The following HAUS7 variants were observed in gnomAD, a reference collection of about 807,000 sequenced individuals.
The protein encoded by HAUS7 is HAUS augmin like complex subunit 7.
A neutral mutation model predicts 28.4 loss-of-function variants in HAUS7; 3 were observed. The observed-to-expected ratio is 0.11, with a 90% CI of 0.05 to 0.27. HAUS7 has a LOEUF of 0.27. Among genes scored for constraint, HAUS7 ranks in the 10% least tolerant of loss-of-function variants. HAUS7 has a pLI of 1.00. For missense variants in HAUS7, 284 were observed against 297.3 expected (o/e 0.96, Z 0.33); for synonymous variants, 165 against 132.1 (o/e 1.25, Z -1.71).
rs1556981973 is a variant in HAUS7 at position 153,455,644 on chromosome X, G to A, written c.828C>T (p.Tyr276=). 1.9e-5 allele frequency: 23 copies of A among 1,207,950 alleles called. 1 individual carries two copies. The highest frequency in any genetic ancestry group is 8.8e-5 in the South Asian group (5 of 56,928). The change falls in exon 8 of 10, where the codon TAC becomes TAT. Residue 276 remains tyrosine, a synonymous_variant. Coordinates refer to ENST00000370211, the MANE Select transcript of HAUS7 (RefSeq NM_001385482.1). ...GGCAGCACTCGCCCAGCTCGTCGTC[G>A]TAGACTTGGAGAAAAGCCAAGATTA... The part of the protein sequence containing the change: ...HQLILAFLQV[Y]DDELGECCQR...
intron 8 of HAUS7, 119 bp from the exon 9 acceptor site, chrX:153,454,627 G>A: frequency 1.9e-6 from 1 of 514,075 alleles, no homozygotes; most frequent in South Asian, 3.0e-5. Flanking sequence ...CTGATCAGGT[G>A]GCATTCACCT....
intron 1 of HAUS7, among the ~76,000 whole-genome samples, chrX:153,479,685 T>C (rs1400071703): frequency 1.8e-5 from 2 of 110,597 alleles, no homozygotes; most frequent in African/African-American, 6.6e-5. Flanking sequence ...GGGGGTGAAG[T>C]GGGGTTGCTG....
At chrX:153,483,242 C>T (rs2089612696) in intron 1 of HAUS7, 2 of 699,298 alleles carry the variant, frequency 2.9e-6, no homozygotes, top group Non-Finnish European at 1.7e-6. Flanking sequence ...GAGTTGGAGC[C>T]TGACCAGGTG....
At chrX:153,482,222 CAG>C (rs1556987483) in intron 1 of HAUS7, 1 of 625,188 alleles carries the variant, frequency 1.6e-6, no homozygotes, top group Non-Finnish European at 1.9e-6. Flanking sequence ...ATGCCACCAA[CAG>C]AGTGCCCTTG....
At position 153,480,786 on chromosome X, in the gene HAUS7, CACA is replaced by C. The variant is rs1205046825; in HGVS notation, c.-588-9644_-588-9642del. ...AGTGACCTTGGAGCAGGAGCAGGGT[CACA>C]ACAAGGGCCTGGTCGCTGAGTGGGC... On this transcript the variant is annotated intron_variant, in intron 1 of 5. Transcript: ENST00000370210. 1.7e-5 allele frequency: 13 copies of C among 753,864 alleles called. No individual in the cohort carries two copies. The East Asian group carries it at 2.0e-3, about 114-fold the overall frequency. 62.1% of individuals were successfully genotyped at this position (753,864 alleles called of 1,213,427 possible).
chrX:153,486,113 C>T (rs1234840885), intron 1 of HAUS7: 54 of 921,458 alleles, frequency 5.9e-5, no homozygotes, highest in Non-Finnish European at 7.4e-5. Context: ...CCCCCCTCCT[C>T]GACCCCACAC....
chrX:153,483,295 C>A (rs977579128), intron 1 of HAUS7: 599 of 753,452 alleles, frequency 8.0e-4, no homozygotes, highest in Non-Finnish European at 9.2e-4. Flanking sequence ...ACCCCTGACC[C>A]CGACCCTAGG....
In HAUS7 at chrX:153,486,007, C is replaced by T. The variant is rs782692215; in HGVS notation, c.-589+9367G>A. The T allele has an allele frequency of 5.5e-4, 538 of 978,544 alleles. 1 individual carries two copies. The highest frequency in any genetic ancestry group is 6.6e-4 in the Non-Finnish European group (499 of 753,530). The allele number at this position is 978,544 out of a possible 1,213,427, so 80.6% of individuals were successfully genotyped here. A position where few individuals can be genotyped will look rare whatever the true frequency, so the allele number is the denominator to read the frequency against. On this transcript the variant is annotated intron_variant, in intron 1 of 5. Coordinates refer to the HAUS7 transcript ENST00000370210. Reference sequence around the variant, plus strand: ...TGCGCGCCTCGCTGGCGGAGCTGCTCCTGGATCATAACCAGGTGCAGGCCA... The same window carrying T: ...TGCGCGCCTCGCTGGCGGAGCTGCTTCTGGATCATAACCAGGTGCAGGCCA...
At chrX:153,492,414 AGTGGGCCCTAGCCAGGCCGAGTGACTCG>A (rs1161036044) in intron 1 of HAUS7, among the ~76,000 whole-genome samples, 1 of 109,888 alleles carries the variant, frequency 9.1e-6, no homozygotes, top group Non-Finnish European at 1.9e-5. Context: ...CGAGTGACTC[AGTGGGCCCTAGCCAGGCCGAGTGACTCG>A]GTGGGCCCCG....
rs782299664 is a variant in HAUS7 at position 153,452,582 on chromosome X, G to C, written c.1045+1812C>G. On this transcript the variant is annotated intron_variant, in intron 9 of 9. Coordinates refer to ENST00000370211, the MANE Select transcript of HAUS7 (RefSeq NM_001385482.1). ...CCACAAATACATTTTGCTTTAATAG[G>C]AGGCAGTTTCTGTATACTATTGAAA... Among the ~76,000 whole-genome samples the C allele has an allele frequency of 7.1e-5, 8 of 112,543 alleles. No individual in the cohort carries two copies. The South Asian group carries it at 2.9e-3, about 41-fold the overall frequency.
intron 1 of HAUS7, among the ~76,000 whole-genome samples, chrX:153,475,829 GGAGAGCA>G (rs2089559351): frequency 9.4e-4 from 1 of 1,064 alleles, no homozygotes; most frequent in Non-Finnish European, 0.011. Flanking sequence ...GCAGAGAGCA[GGAGAGCA>G]GGAGAGCAGG....
intron 1 of HAUS7, among the ~76,000 whole-genome samples, chrX:153,476,521 A>G (rs2089563500): frequency 8.9e-6 from 1 of 111,955 alleles, no homozygotes; most frequent in African/African-American, 3.3e-5. Context: ...AAGGGACAGG[A>G]GTCCCTTCCT....
Position 153,485,869 on chromosome X carries a change from C to T in HAUS7, c.-589+9505G>A, listed in dbSNP as rs782000926. The T allele has an allele frequency of 1.7e-5, 16 of 917,548 alleles. No individual in the cohort carries two copies. In the South Asian group the frequency reaches 2.7e-4, roughly 15 times the overall value. 75.6% of individuals were successfully genotyped at this position (917,548 alleles called of 1,213,427 possible). A position where few individuals can be genotyped will look rare whatever the true frequency, so the allele number is the denominator to read the frequency against. On this transcript the variant is annotated intron_variant, in intron 1 of 5. Transcript: ENST00000370210. ...GCCTGACGCTGCACCACGACCACAT[C>T]GAGCGCATCCCTGGCTACGCGTTCG...
intron 1 of HAUS7, among the ~76,000 whole-genome samples, chrX:153,480,154 C>G (rs1407760942): frequency 1.8e-5 from 2 of 111,283 alleles, no homozygotes; most frequent in Non-Finnish European, 3.8e-5. Context: ...ACGCCCTACC[C>G]CCCACCCTTG....
chrX:153,460,095 T>C (rs1019262194), intron 4 of HAUS7, among the ~76,000 whole-genome samples: 1 of 112,631 alleles, frequency 8.9e-6, no homozygotes, highest in African/African-American at 3.2e-5. Context: ...TGTTTATCCA[T>C]AACAAGGAAT....
chrX:153,468,370 T>TGA (rs2089479385), intron 2 of HAUS7, among the ~76,000 whole-genome samples: 1 of 112,596 alleles, frequency 8.9e-6, no homozygotes, highest in African/African-American at 3.2e-5. Flanking sequence ...CAGCTGTTCC[T>TGA]GAGCATGGCC....
At chrX:153,470,155 C>G (rs782398027) in intron 1 of HAUS7, among the ~76,000 whole-genome samples, 1 of 113,330 alleles carries the variant, frequency 8.8e-6, no homozygotes, top group Admixed American at 9.2e-5. Flanking sequence ...GGCCTGGGTC[C>G]TCTGTGTCTG....
intron 1 of HAUS7, among the ~76,000 whole-genome samples, chrX:153,484,038 T>C (rs1221828021): frequency 8.9e-6 from 1 of 111,814 alleles, no homozygotes; most frequent in Non-Finnish European, 1.9e-5. Context: ...ACGCCAGAAG[T>C]CTGCAATCTA....
At chrX:153,491,778 C>T (rs914697249) in intron 1 of HAUS7, among the ~76,000 whole-genome samples, 78 of 113,067 alleles carry the variant, frequency 6.9e-4, no homozygotes, top group African/African-American at 2.2e-3. Flanking sequence ...GCCCTCCCCA[C>T]GCAGCTGAGG....
Sources: gnomAD v4.1 joint callset for allele counts (sites outside exome capture counted in the v4.1 genomes callset) on GRCh38, gnomAD v4.1.1 for gene constraint, MANE v1.5 for transcripts, NCBI Gene and HGNC (gene_info 2026-07-23, HGNC 2026-07-21) for gene names.